The following KCNC2 variants were observed in gnomAD, a reference collection of about 807,000 sequenced individuals.
The protein encoded by KCNC2 is voltage-gated potassium channel KCNC2.
KCNC2 carries 21 observed loss-of-function variants against 44.5 expected under a neutral mutation model. The observed-to-expected ratio is 0.47, with a 90% CI of 0.33 to 0.68. The LOEUF (loss-of-function observed/expected upper bound fraction) is 0.68, where lower values mean the gene tolerates loss of function less well. Ranked by LOEUF, KCNC2 falls within the 30% of genes least tolerant of loss-of-function variation. KCNC2 has a pLI of 0.01. For synonymous variants in KCNC2, 391 were observed against 339.1 expected, an observed-to-expected ratio of 1.15 and a Z score of -1.68; for missense variants, 589 against 826.2, an observed-to-expected ratio of 0.71 and a Z score of 3.52.
At chr12:75,050,314 G>A in intron 3 of KCNC2, 76 bp downstream of exon 3, 7 of 1,066,766 alleles carry the variant, frequency 6.6e-6, no homozygotes, top group Non-Finnish European at 9.7e-6. Flanking sequence ...CAGAAAATGA[G>A]AATGACTGCC....
At chr12:75,054,538 G>T (rs1447721333) in intron 2 of KCNC2, among the ~76,000 whole-genome samples, 2 of 152,102 alleles carry the variant, frequency 1.3e-5, no homozygotes, top group Non-Finnish European at 2.9e-5. Context: ...TTAAGATGAT[G>T]CCTTTTCTGT....
chr12:75,199,432 A>T (rs1480780371), intron 2 of KCNC2, among the ~76,000 whole-genome samples: 1 of 151,868 alleles, frequency 6.6e-6, no homozygotes, highest in African/African-American at 2.4e-5. Flanking sequence ...TGCAGTAATC[A>T]TGGAGTATTT....
intron 2 of KCNC2, among the ~76,000 whole-genome samples, chr12:75,128,500 C>A (rs915497428): frequency 6.6e-6 from 1 of 151,962 alleles, no homozygotes; most frequent in African/African-American, 2.4e-5. Context: ...TAAAACAAAA[C>A]GGGTCAAAAA....
intron 4 of KCNC2, chr12:75,043,598 G>A (rs1380540199): frequency 1.6e-6 from 2 of 1,224,882 alleles, no homozygotes; most frequent in Non-Finnish European, 2.1e-6. Flanking sequence ...TTAAATTTCA[G>A]AATGTATTCT....
chr12:75,208,385 A>AAC (rs1290445183), intron 1 of KCNC2, among the ~76,000 whole-genome samples: 1 of 133,350 alleles, frequency 7.5e-6, no homozygotes, highest in Non-Finnish European at 1.6e-5. Context: ...TGCCTCCCCA[A>AAC]ACACACTCTC....
chr12:75,103,145 A>G (rs1886508001), intron 2 of KCNC2, among the ~76,000 whole-genome samples: 1 of 152,174 alleles, frequency 6.6e-6, no homozygotes, highest in South Asian at 2.1e-4. Flanking sequence ...ATAGATCTCC[A>G]ACTAAAGATA....
At chr12:75,076,987 C>A (rs1049565729) in intron 2 of KCNC2, among the ~76,000 whole-genome samples, 6 of 150,756 alleles carry the variant, frequency 4.0e-5, no homozygotes, top group Non-Finnish European at 8.8e-5. Context: ...TGTTTGTTTT[C>A]TAAAAAATCT....
intron 2 of KCNC2, among the ~76,000 whole-genome samples, chr12:75,141,803 T>A (rs898411421): frequency 1.3e-5 from 2 of 152,044 alleles, no homozygotes; most frequent in Non-Finnish European, 2.9e-5. Flanking sequence ...GAGTAAAAAA[T>A]TTTACATGCT....
intron 2 of KCNC2, among the ~76,000 whole-genome samples, chr12:75,151,411 G>C (rs1430754477): frequency 2.0e-5 from 3 of 151,974 alleles, no homozygotes; most frequent in Admixed American, 1.3e-4. Flanking sequence ...CCCACTGCCA[G>C]TTGTCTGGCA....
At chr12:75,188,772 A>C (rs1270167776) in intron 2 of KCNC2, among the ~76,000 whole-genome samples, 2 of 151,970 alleles carry the variant, frequency 1.3e-5, no homozygotes, top group African/African-American at 4.8e-5. Flanking sequence ...AGGCAGGAGA[A>C]TCACTTGAAC....
intron 2 of KCNC2, among the ~76,000 whole-genome samples, chr12:75,186,242 A>AT (rs2137677871): frequency 6.6e-6 from 1 of 152,178 alleles, no homozygotes; most frequent in South Asian, 2.1e-4. Context: ...CATCTGGTGC[A>AT]TTTTGAAGAA....
At chr12:75,198,756 C>A (rs1206674792) in intron 2 of KCNC2, among the ~76,000 whole-genome samples, 46 of 151,696 alleles carry the variant, frequency 3.0e-4, no homozygotes, top group Non-Finnish European at 1.5e-5. Flanking sequence ...TCAAGAACCC[C>A]ATATCTGAAT....
intron 2 of KCNC2, among the ~76,000 whole-genome samples, chr12:75,144,620 T>TG (rs144916651): frequency 1.4e-5 from 2 of 146,590 alleles, no homozygotes; most frequent in South Asian, 2.2e-4. Context: ...GGGTGTACTT[T>TG]TGTGTGTGTG....
chr12:75,067,260 G>A (rs1882924174), intron 2 of KCNC2, among the ~76,000 whole-genome samples: 1 of 152,054 alleles, frequency 6.6e-6, no homozygotes, highest in African/African-American at 2.4e-5. Context: ...AAGAAGTTAG[G>A]TCACGTGTTT....
At chr12:75,090,140 T>A (rs752187722) in intron 2 of KCNC2, among the ~76,000 whole-genome samples, 23 of 151,766 alleles carry the variant, frequency 1.5e-4, no homozygotes, top group Admixed American at 1.5e-3. Flanking sequence ...CTAGATGGCA[T>A]CTCTACAGTA....
At chr12:75,094,662 C>T (rs936669198) in intron 2 of KCNC2, among the ~76,000 whole-genome samples, 23 of 151,848 alleles carry the variant, frequency 1.5e-4, no homozygotes, top group Admixed American at 2.6e-4. Context: ...CTAACAGCAA[C>T]TTTCCATAAG....
At position 75,207,402 on chromosome 12, in the gene KCNC2, G is replaced by T. The variant is rs768447661; in HGVS notation, c.582C>A (p.Asp194Glu). The T allele has an allele frequency of 1.3e-6, 2 of 1,594,448 alleles. No homozygotes were observed. The highest frequency in any genetic ancestry group is 1.8e-5 in the Admixed American group (1 of 56,934). The part of the protein sequence containing the change: ...DLAAKRLGIE[D>E]AAGLGGPDGK... ...CGTCGGGGCCCCCGAGCCCCGCCGC[G>T]TCCTCGATGCCCAGCCTCTTGGCCG... Residue 194 changes from aspartate to glutamate, a missense_variant, in exon 2 of 5, where the codon GAC becomes GAA. Asp to Glu is a conservative substitution (Grantham distance 45). Coordinates refer to ENST00000549446, the MANE Select transcript of KCNC2 (RefSeq NM_139137.4). The surrounding 1 kb of genome is among the most constrained non-coding windows in gnomAD (Gnocchi z 4.1).
intron 2 of KCNC2, among the ~76,000 whole-genome samples, chr12:75,072,648 T>A (rs745652170): frequency 6.6e-6 from 1 of 151,578 alleles, no homozygotes; most frequent in African/African-American, 2.4e-5. Context: ...AAAAAAAAGG[T>A]CACTTAGTAT....
chr12:75,042,910 A>G lies in KCNC2; in HGVS notation c.*195T>C. 1 of 1,392,240 alleles carries G rather than the reference A, an allele frequency of 7.2e-7. No homozygotes were observed. Among genetic ancestry groups the G allele is most frequent in the Non-Finnish European group, 9.3e-7 (1 of 1,076,224 alleles). The allele number at this position is 1,392,240 out of a possible 1,614,324, so 86.2% of individuals were successfully genotyped here. On this transcript the variant is annotated 3_prime_UTR_variant, in exon 5 of 5. Transcript: ENST00000549446. ...ATAGGAGGGATCTTAGCACTACTTT[A>G]GACAATCTTTAAAGCCTGGGTAAGA...
Sources: allele counts gnomAD v4.1 joint callset (sites outside exome capture counted in the v4.1 genomes callset), GRCh38; gene constraint gnomAD v4.1.1; non-coding constraint Gnocchi (gnomAD v3.1); transcripts MANE v1.5; gene names NCBI Gene and HGNC (gene_info 2026-07-23, HGNC 2026-07-21).